The following CELF5 variants were observed in gnomAD, a reference collection of about 807,000 sequenced individuals.
The protein encoded by CELF5 is CUG-BP and ETR-3 like factor 5.
CELF5 carries 6 observed loss-of-function variants against 54.9 expected under a neutral mutation model. The observed-to-expected ratio is 0.11, with a 90% CI of 0.06 to 0.22. The LOEUF is 0.22. CELF5 is among the 10% of genes least tolerant of loss of function. The pLI is 1.00. For missense variants in CELF5, 401 were observed against 678.6 expected (o/e 0.59, Z 4.54); for synonymous variants, 271 against 290.9 (o/e 0.93, Z 0.70).
intron 10 of CELF5, among the ~76,000 whole-genome samples, chr19:3,289,153 A>G (rs997265262): frequency 2.0e-5 from 3 of 152,208 alleles, no homozygotes; most frequent in South Asian, 4.1e-4. Flanking sequence ...CCAGAGAATT[A>G]TCTTTTTATT....
chr19:3,278,735 TGTG>T lies in CELF5; in HGVS notation c.603+627_603+629del, dbSNP rs1415680212. ...TGCATGACTGTGAGTGTGTCAGTATTGTGGGTGATTGTGTACACGTTTGTGAGT... is the reference window on the plus strand; with the variant it reads ...TGCATGACTGTGAGTGTGTCAGTATTGGTGATTGTGTACACGTTTGTGAGT... On this transcript the variant is annotated intron_variant, in intron 5 of 12. Coordinates refer to ENST00000292672, the MANE Select transcript of CELF5 (RefSeq NM_021938.4). The surrounding 1 kb of genome is among the most constrained non-coding windows in gnomAD (Gnocchi z 4.5). 6.6e-6 allele frequency among the ~76,000 whole-genome samples: 1 copy of T among 151,724 alleles called. No individual in the cohort carries two copies. The highest frequency in any genetic ancestry group is 1.5e-5 in the Non-Finnish European group (1 of 67,924).
At chr19:3,235,313 C>T (rs1917485720) in intron 1 of CELF5, among the ~76,000 whole-genome samples, 1 of 148,600 alleles carries the variant, frequency 6.7e-6, no homozygotes, top group African/African-American at 2.5e-5. Context: ...TCCTCCTTTC[C>T]TTTTTTTTTT....
chr19:3,259,126 G>A (rs1382539885), intron 2 of CELF5, among the ~76,000 whole-genome samples: 2 of 152,200 alleles, frequency 1.3e-5, no homozygotes, highest in African/African-American at 4.8e-5. Flanking sequence ...TGGAGGTGGA[G>A]ATGGGGGTGA....
intron 1 of CELF5, among the ~76,000 whole-genome samples, chr19:3,234,140 C>T (rs1489332346): frequency 6.6e-6 from 1 of 152,086 alleles, no homozygotes; most frequent in Non-Finnish European, 1.5e-5. Context: ...ACCAGAAGAA[C>T]TTTGTACACA....
In CELF5 at chr19:3,268,968, A is replaced by G. The variant is rs556534463; in HGVS notation, c.343-4904A>G. On this transcript the variant is annotated intron_variant, in intron 2 of 12. Coordinates refer to ENST00000292672, the MANE Select transcript of CELF5 (RefSeq NM_021938.4). This position sits in a 1 kb window ranked among gnomAD's most constrained non-coding sequence, Gnocchi z 4.4. ...CAAAGGGCCCTCAAATGCCAGGATC[A>G]AGGGCTGAGCCTCTACCCAGAGAGC... Among the ~76,000 whole-genome samples, 55 of 152,110 alleles carry G rather than the reference A, an allele frequency of 3.6e-4. No individual in the cohort carries two copies. Among genetic ancestry groups the G allele is most frequent in the Non-Finnish European group, 6.5e-4 (44 of 68,026 alleles).
At chr19:3,285,024 C>CCCCCGCCCAGGGCCCCGA in intron 9 of CELF5, 60 bp downstream of exon 9, 1 of 1,304,888 alleles carries the variant, frequency 7.7e-7, no homozygotes, top group Non-Finnish European at 1.1e-6. Flanking sequence ...TAGGGCCCCG[C>CCCCCGCCCAGGGCCCCGA]CCCCAGGGCC....
chr19:3,251,652 CT>C (rs1195812856), intron 2 of CELF5, among the ~76,000 whole-genome samples: 6,762 of 67,386 alleles, frequency 0.1, 281 homozygotes, highest in Middle Eastern at 0.15. Context: ...ACAAGGGCTT[CT>C]TTTTTTTTTT....
At chr19:3,289,456 C>T (rs1221901891) in intron 10 of CELF5, among the ~76,000 whole-genome samples, 1 of 151,842 alleles carries the variant, frequency 6.6e-6, no homozygotes, top group African/African-American at 2.4e-5. Context: ...CCAAGGCGGG[C>T]AGATCACTTG....
chr19:3,227,792 AC>A (rs1287834046), intron 1 of CELF5, among the ~76,000 whole-genome samples: 1 of 150,714 alleles, frequency 6.6e-6, no homozygotes, highest in Non-Finnish European at 1.5e-5. Flanking sequence ...GGCCCCCATT[AC>A]CCCCCCTGCC....
intron 1 of CELF5, among the ~76,000 whole-genome samples, chr19:3,225,972 G>C (rs1017088044): frequency 5.9e-5 from 9 of 152,160 alleles, no homozygotes; most frequent in African/African-American, 2.2e-4. Flanking sequence ...TTCTCCCTCC[G>C]ATGGCATCCC....
intron 9 of CELF5, among the ~76,000 whole-genome samples, 160 bp downstream of exon 9, chr19:3,285,124 A>G (rs1334273252): frequency 7.2e-6 from 1 of 138,570 alleles, no homozygotes; most frequent in Non-Finnish European, 1.5e-5. Context: ...CTTGTCCTGT[A>G]TTCAACCCCG....
intron 4 of CELF5, among the ~76,000 whole-genome samples, chr19:3,276,705 G>T (rs2080060514): frequency 7.3e-6 from 1 of 137,616 alleles, no homozygotes; most frequent in Non-Finnish European, 1.7e-5. Context: ...GGTGGGCGGA[G>T]ATGCAGAGGC....
At position 3,281,080 on chromosome 19, in the gene CELF5, G is replaced by T; in HGVS notation, c.604-119G>T. 1 of 1,238,554 alleles carries T rather than the reference G, an allele frequency of 8.1e-7. No individual in the cohort carries two copies. 76.7% of individuals were successfully genotyped at this position (1,238,554 alleles called of 1,614,324 possible). A position where few individuals can be genotyped will look rare whatever the true frequency, so the allele number is the denominator to read the frequency against. On this transcript the variant is annotated intron_variant, in intron 5 of 12. Transcript: ENST00000292672. This position sits in a 1 kb window ranked among gnomAD's most constrained non-coding sequence, Gnocchi z 6.5. ...GGGGTGGGGGCCCGTGGACATGGCTGACAGCCACTGGCATTACACCCCTCA... is the reference window on the plus strand; with the variant it reads ...GGGGTGGGGGCCCGTGGACATGGCTTACAGCCACTGGCATTACACCCCTCA...
intron 2 of CELF5, among the ~76,000 whole-genome samples, chr19:3,256,050 A>C (rs981947344): frequency 1.1e-4 from 16 of 151,698 alleles, no homozygotes; most frequent in African/African-American, 3.4e-4. Flanking sequence ...GGGTGACAGA[A>C]CAAGACCCTG....
chr19:3,271,116 G>A (rs1244291316), intron 2 of CELF5, among the ~76,000 whole-genome samples: 1 of 150,150 alleles, frequency 6.7e-6, no homozygotes, highest in Admixed American at 6.7e-5. Context: ...GTGAATCAGC[G>A]TTGCCATGGC....
chr19:3,227,556 G>C (rs1916995077), intron 1 of CELF5, among the ~76,000 whole-genome samples: 2 of 152,104 alleles, frequency 1.3e-5, no homozygotes, highest in Non-Finnish European at 2.9e-5. Context: ...AAGGAGTAGA[G>C]TGGGGTGGGA....
chr19:3,243,621 G>T (rs559169934), intron 1 of CELF5, among the ~76,000 whole-genome samples: 1 of 152,238 alleles, frequency 6.6e-6, no homozygotes, highest in Admixed American at 6.5e-5. Context: ...CTGTGCTGAT[G>T]GGGAACTGTA....
chr19:3,255,237 T>G (rs1053568258), intron 2 of CELF5, among the ~76,000 whole-genome samples: 1 of 151,980 alleles, frequency 6.6e-6, no homozygotes, highest in African/African-American at 2.4e-5. Context: ...CAGGCTGGAG[T>G]GCAGTGGCTT....
chr19:3,283,286 G>A (rs1379809906), intron 8 of CELF5, among the ~76,000 whole-genome samples: 1 of 152,176 alleles, frequency 6.6e-6, no homozygotes, highest in Non-Finnish European at 1.5e-5. Context: ...TTTATGTGAA[G>A]TAAGTTATCT....
Sources: gnomAD v4.1 joint callset for allele counts (sites outside exome capture counted in the v4.1 genomes callset) on GRCh38, gnomAD v4.1.1 for gene constraint, Gnocchi (gnomAD v3.1) non-coding constraint, MANE v1.5 for transcripts, NCBI Gene and HGNC (gene_info 2026-07-23, HGNC 2026-07-21) for gene names.